YEATS4: variants seen among roughly 807,000 people sequenced by gnomAD.
The protein encoded by YEATS4 is YEATS domain containing 4.
Under a neutral mutation model 30.1 loss-of-function variants are expected in YEATS4, and 17 were observed. That is an observed-to-expected ratio of 0.56 (90% CI 0.39 to 0.85). YEATS4 has a LOEUF of 0.85. Ranked by LOEUF, YEATS4 falls within the 40% of genes least tolerant of loss-of-function variation. The pLI is 0.00. For synonymous variants in YEATS4, 85 were observed against 87.5 expected (o/e 0.97, Z 0.16); for missense variants, 142 against 268.3 (o/e 0.53, Z 3.29).
rs1592855425 is a variant in YEATS4, at chr12:69,378,370, A to T, written c.514+7395A>T. On this transcript the variant is annotated intron_variant, in intron 6 of 6. Transcript: ENST00000247843. ...AGTCCATTTACATTCACTGATATTG[A>T]TATTTACATTCATTAGTATTGATAA... Among the ~76,000 whole-genome samples, 3 of 151,684 alleles carry T rather than the reference A, an allele frequency of 2.0e-5. No homozygotes were observed. In the South Asian group the frequency reaches 6.4e-4, roughly 33 times the overall value.
At chr12:69,371,707 A>G (rs527317495) in intron 6 of YEATS4, among the ~76,000 whole-genome samples, 140 of 152,322 alleles carry the variant, frequency 9.2e-4, no homozygotes, top group African/African-American at 2.7e-3. Context: ...AAAAAGCCCT[A>G]TCGTCATGGG....
the YEATS4 span, among the ~76,000 whole-genome samples, chr12:69,417,693 T>A: frequency 3.9e-5 from 6 of 152,166 alleles, no homozygotes; most frequent in Non-Finnish European, 5.9e-5. Context: ...ACTACCCACG[T>A]ACTGTGTTTC....
At chr12:69,378,272 C>T (rs1348314790) in intron 6 of YEATS4, among the ~76,000 whole-genome samples, 1 of 151,862 alleles carries the variant, frequency 6.6e-6, no homozygotes, top group Non-Finnish European at 1.5e-5. Flanking sequence ...AGTGTGTTTC[C>T]TGGAGGCAGT....
In YEATS4 at chr12:69,362,981, A is replaced by AATTTTTTTTTTTTTTTTTTTT. The variant is rs1198849494; in HGVS notation, c.171+74_171+75insATTTTTTTTTTTTTTTTTTTT. 48 of 307,590 alleles carry AATTTTTTTTTTTTTTTTTTTT rather than the reference A, an allele frequency of 1.6e-4. 23 individuals carry two copies. Among genetic ancestry groups the AATTTTTTTTTTTTTTTTTTTT allele is most frequent in the Admixed American group, 4.6e-4 (4 of 8,626 alleles). 19.1% of individuals were successfully genotyped at this position (307,590 alleles called of 1,614,324 possible). ...TTTGTTTTGCTTAAAGACAACCTGT[A>AATTTTTTTTTTTTTTTTTTTT]GTTTTTTTTTTTTTTTTTTTTTTTT... On this transcript the variant is annotated intron_variant, in intron 2 of 6. Transcript: ENST00000247843.
intron 6 of YEATS4, among the ~76,000 whole-genome samples, chr12:69,385,239 T>TA (rs557619020): frequency 1.3e-5 from 2 of 152,034 alleles, no homozygotes; most frequent in Non-Finnish European, 2.9e-5. Context: ...GTACTGGTAT[T>TA]ACAGGCATGA....
intron 6 of YEATS4, among the ~76,000 whole-genome samples, chr12:69,373,127 T>C (rs1016176436): frequency 6.6e-6 from 1 of 152,246 alleles, no homozygotes; most frequent in Non-Finnish European, 1.5e-5. Flanking sequence ...CTTTTTGATA[T>C]ACTGACTTAT....
intron 6 of YEATS4, among the ~76,000 whole-genome samples, chr12:69,381,346 C>T (rs1054451773): frequency 7.9e-5 from 12 of 152,158 alleles, no homozygotes; most frequent in South Asian, 2.1e-4. Context: ...CCTGGCTCAC[C>T]GGCAGTCAGA....
chr12:69,399,439 A>T, the YEATS4 span, among the ~76,000 whole-genome samples: 1 of 152,258 alleles, frequency 6.6e-6, no homozygotes, highest in Non-Finnish European at 1.5e-5. Context: ...AATCAAAATG[A>T]TGATAACACT....
At chr12:69,360,140 C>G in intron 1 of YEATS4, 117 bp downstream of exon 1, 3 of 1,207,148 alleles carry the variant, frequency 2.5e-6, no homozygotes, top group Non-Finnish European at 3.4e-6. Context: ...GGGTTTGAAC[C>G]GTGGTTTCAG....
At chr12:69,426,789 T>A in the YEATS4 span, among the ~76,000 whole-genome samples, 1 of 152,344 alleles carries the variant, frequency 6.6e-6, no homozygotes, top group South Asian at 2.1e-4. Flanking sequence ...ATCAATCTGT[T>A]CATTTTAAAA....
the YEATS4 span, among the ~76,000 whole-genome samples, chr12:69,402,208 A>C: frequency 6.6e-6 from 1 of 152,050 alleles, no homozygotes; most frequent in East Asian, 1.9e-4. Context: ...TCCTCTCTCT[A>C]TTCTAGCCTG....
intron 6 of YEATS4, among the ~76,000 whole-genome samples, chr12:69,386,268 C>T (rs1363869871): frequency 6.6e-6 from 1 of 152,174 alleles, no homozygotes; most frequent in African/African-American, 2.4e-5. Context: ...ATGAATCAAA[C>T]AACAAATCTA....
chr12:69,403,015 G>A, the YEATS4 span, among the ~76,000 whole-genome samples: 3 of 151,842 alleles, frequency 2.0e-5, no homozygotes, highest in Non-Finnish European at 4.4e-5. Context: ...GAGCCACCAC[G>A]CCCGGCTTGC....
At chr12:69,411,999 A>G in the YEATS4 span, among the ~76,000 whole-genome samples, 1 of 152,240 alleles carries the variant, frequency 6.6e-6, no homozygotes, top group Non-Finnish European at 1.5e-5. Context: ...TCTGACTTCA[A>G]CTTGGAAAAG....
chr12:69,386,568 TTTC>T (rs1157048365), intron 6 of YEATS4, among the ~76,000 whole-genome samples: 17 of 152,222 alleles, frequency 1.1e-4, no homozygotes, highest in African/African-American at 3.9e-4. Context: ...AGTGCATTTT[TTTC>T]TTACCTGTTT....
chr12:69,371,382 C>T (rs1875631963), intron 6 of YEATS4, among the ~76,000 whole-genome samples: 3 of 152,146 alleles, frequency 2.0e-5, no homozygotes, highest in Non-Finnish European at 4.4e-5. Flanking sequence ...TTGCTGATGT[C>T]ATTTTACATA....
the YEATS4 span, among the ~76,000 whole-genome samples, chr12:69,420,595 A>G: frequency 2.0e-5 from 3 of 152,300 alleles, no homozygotes; most frequent in East Asian, 5.8e-4. Flanking sequence ...CAAAAGCTAC[A>G]TGACTCCACT....
chr12:69,382,303 C>T (rs10878971), intron 6 of YEATS4, among the ~76,000 whole-genome samples: 36,638 of 152,048 alleles, frequency 0.24, 5,396 homozygotes, highest in African/African-American at 0.42. Flanking sequence ...CCCTGGGCTG[C>T]GGGTAGGTCC....
chr12:69,370,493 G>A (rs1384960068), intron 4 of YEATS4, among the ~76,000 whole-genome samples: 1 of 152,132 alleles, frequency 6.6e-6, no homozygotes, highest in Non-Finnish European at 1.5e-5. Flanking sequence ...ACCCTCTAAA[G>A]AGTATTCATG....
Sources: allele counts gnomAD v4.1 joint callset (sites outside exome capture counted in the v4.1 genomes callset), GRCh38; gene constraint gnomAD v4.1.1; transcripts MANE v1.5; gene names NCBI Gene and HGNC (gene_info 2026-07-23, HGNC 2026-07-21).